TIAM2: variants seen among roughly 807,000 people sequenced by gnomAD.
TIAM2 encodes the protein rho guanine nucleotide exchange factor TIAM2.
A neutral mutation model predicts 152.9 loss-of-function variants in TIAM2; 80 were observed. The observed-to-expected ratio is 0.52, with a 90% CI of 0.44 to 0.63. The LOEUF (loss-of-function observed/expected upper bound fraction) is 0.63. Among genes scored for constraint, TIAM2 ranks in the 30% least tolerant of loss-of-function variants. The pLI is 0.00. For synonymous variants in TIAM2, 804 were observed against 838.0 expected, an observed-to-expected ratio of 0.96 and a Z score of 0.70; for missense variants, 1,965 against 2,120.1, an observed-to-expected ratio of 0.93 and a Z score of 1.44.
chr6:155,058,974 G>T (rs1009603977), intron 1 of TIAM2, among the ~76,000 whole-genome samples: 1 of 152,190 alleles, frequency 6.6e-6, no homozygotes, highest in Admixed American at 6.5e-5. Flanking sequence ...GAAGGCATCT[G>T]CCCTGTAATT....
chr6:155,257,189 G>GAAAAAA lies in TIAM2; in HGVS notation c.*68_*69insAAAAAA. 6 of 535,404 alleles carry GAAAAAA rather than the reference G, an allele frequency of 1.1e-5. No homozygotes were observed. Among genetic ancestry groups the GAAAAAA allele is most frequent in the East Asian group, 4.4e-5 (1 of 22,582 alleles). 33.2% of individuals were successfully genotyped at this position (535,404 alleles called of 1,614,324 possible). A position where few individuals can be genotyped will look rare whatever the true frequency, so the allele number is the denominator to read the frequency against. The stretch of plus-strand genomic sequence containing the variant: ...TTAAACTGGTGGTAAAGTGGAAATT[G>GAAAAAA]CAAAAAAAAAAAAAAAAAAAAACTG... On this transcript the variant is annotated 3_prime_UTR_variant, in exon 27 of 27. Coordinates refer to ENST00000682666, the MANE Select transcript of TIAM2 (RefSeq NM_012454.4).
intron 19 of TIAM2, among the ~76,000 whole-genome samples, chr6:155,247,509 A>G (rs554030063): frequency 6.6e-6 from 1 of 152,100 alleles, no homozygotes; most frequent in African/African-American, 2.4e-5. Context: ...TTGTATTTTT[A>G]GTAGAGACGG....
In TIAM2 at chr6:155,163,966, G is replaced by GT. The variant is rs35722028; in HGVS notation, c.2029-438dup. ...AGTGCTGGATGACCCAGTGCATTTT[G>GT]TTTTTTTTTTTGAGACGGAGTCTTG... On this transcript the variant is annotated intron_variant, in intron 7 of 26. Coordinates refer to ENST00000682666, the MANE Select transcript of TIAM2 (RefSeq NM_012454.4). 4.1e-3 allele frequency among the ~76,000 whole-genome samples: 599 copies of GT among 145,722 alleles called. 5 individuals carry two copies. The highest frequency in any genetic ancestry group is 0.019 in the East Asian group (93 of 4,936).
chr6:155,088,733 GC>G (rs1327492610), intron 1 of TIAM2, among the ~76,000 whole-genome samples: 1 of 152,190 alleles, frequency 6.6e-6, no homozygotes, highest in Admixed American at 6.5e-5. Flanking sequence ...GCCACCTGCG[GC>G]CCAGGATGGC....
At chr6:155,201,572 G>C (rs1267768046) in intron 14 of TIAM2, among the ~76,000 whole-genome samples, 4 of 152,122 alleles carry the variant, frequency 2.6e-5, no homozygotes, top group Admixed American at 2.6e-4. Context: ...TTCTTTCTTT[G>C]GGTTAAGCAC....
chr6:155,146,754 G>A (rs909687640), intron 6 of TIAM2, among the ~76,000 whole-genome samples: 6 of 136,996 alleles, frequency 4.4e-5, no homozygotes, highest in Non-Finnish European at 7.7e-5. Flanking sequence ...GGTGCCCGCC[G>A]CTATGCCTGG....
At chr6:155,047,082 C>G (rs1292032204) in intron 1 of TIAM2, among the ~76,000 whole-genome samples, 3 of 152,160 alleles carry the variant, frequency 2.0e-5, no homozygotes, top group Non-Finnish European at 2.9e-5. Context: ...CTTTTTTAAT[C>G]CCGCCTATGT....
In TIAM2 at chr6:155,242,901, A is replaced by ATTTT. The variant is rs527800448; in HGVS notation, c.3349-1101_3349-1098dup. ...CAGGCACCCGCCACCACACCCAGCT[A>ATTTT]TTTTTTTTTTTTCTTTTTTTTAGTA... On this transcript the variant is annotated intron_variant, in intron 16 of 26. Coordinates refer to ENST00000682666, the MANE Select transcript of TIAM2 (RefSeq NM_012454.4). Among the ~76,000 whole-genome samples the ATTTT allele has an allele frequency of 7.8e-3, 1,033 of 131,896 alleles. 10 individuals carry two copies. The highest frequency in any genetic ancestry group is 0.027 in the African/African-American group (983 of 36,950). The allele number at this position is 131,896 out of a possible 152,430, so 86.5% of individuals were successfully genotyped here. A position where few individuals can be genotyped will look rare whatever the true frequency, so the allele number is the denominator to read the frequency against.
At position 155,047,726 on chromosome 6, in the gene TIAM2, CGAGA is replaced by C. The variant is rs763117085; in HGVS notation, c.-208-42547_-208-42544del. On this transcript the variant is annotated intron_variant, in intron 1 of 26. Coordinates refer to ENST00000682666, the MANE Select transcript of TIAM2 (RefSeq NM_012454.4). ...GAGAGCGAGAGAGAGAGAGAGAGAG[CGAGA>C]GAGAGAGAGAGAGAGCGAGCGCACA... 4.7e-3 allele frequency among the ~76,000 whole-genome samples: 174 copies of C among 37,020 alleles called. 1 individual carries two copies. The highest frequency in any genetic ancestry group is 0.022 in the Middle Eastern group (1 of 46). 24.3% of individuals were successfully genotyped at this position (37,020 alleles called of 152,430 possible). A position where few individuals can be genotyped will look rare whatever the true frequency, so the allele number is the denominator to read the frequency against.
chr6:155,081,766 A>C (rs1277745261), intron 1 of TIAM2, among the ~76,000 whole-genome samples: 1 of 152,182 alleles, frequency 6.6e-6, no homozygotes, highest in Non-Finnish European at 1.5e-5. Context: ...TGATGTGTGA[A>C]TGTTTCTTTC....
Position 155,130,186 on chromosome 6 carries a change from A to C in TIAM2, c.963A>C (p.Glu321Asp), listed in dbSNP as rs1305362918. Residue 321 changes from glutamate to aspartate, a missense_variant, in exon 4 of 27, where the codon GAA becomes GAC. By Grantham distance (45) the Glu-to-Asp change is conservative (BLOSUM62 2). Around this residue, in one of 3 missense-constraint regions of TIAM2, gnomAD observed 1,025 missense variants for 1,119.4 expected, o/e 0.92. Transcript: ENST00000682666. ...LSPSGIRLSD[E>D]YMGTHASLSN... ...CCTCAGGTATCCGCCTTTCTGATGAATACATGGGCACGCATGCCAGCCTGA... is the reference window on the plus strand; with the variant it reads ...CCTCAGGTATCCGCCTTTCTGATGACTACATGGGCACGCATGCCAGCCTGA... 1 of 1,614,138 alleles carries C rather than the reference A, an allele frequency of 6.2e-7. No homozygotes were observed.
chr6:155,112,490 C>A (rs938086654), intron 2 of TIAM2, among the ~76,000 whole-genome samples: 3 of 152,108 alleles, frequency 2.0e-5, no homozygotes, highest in Admixed American at 2.0e-4. Context: ...GGCTTCTCCT[C>A]ATTTCCTTGA....
At chr6:155,133,970 G>A (rs1779501799) in intron 4 of TIAM2, among the ~76,000 whole-genome samples, 1 of 152,102 alleles carries the variant, frequency 6.6e-6, no homozygotes, top group African/African-American at 2.4e-5. Context: ...ACCCTCCTCG[G>A]CCTCCCAAAG....
intron 21 of TIAM2, among the ~76,000 whole-genome samples, chr6:155,250,369 C>T (rs1481364111): frequency 2.0e-5 from 3 of 148,400 alleles, no homozygotes; most frequent in Non-Finnish European, 4.4e-5. Context: ...CAGGATTTGA[C>T]ATTTTCTGTA....
At chr6:155,161,017 C>T (rs1780255104) in intron 7 of TIAM2, among the ~76,000 whole-genome samples, 1 of 152,180 alleles carries the variant, frequency 6.6e-6, no homozygotes, top group Non-Finnish European at 1.5e-5. Context: ...ATTGGGGTGT[C>T]CCAGCCCTGT....
At position 155,197,336 on chromosome 6, in the gene TIAM2, A is replaced by G. The variant is rs1002377200; in HGVS notation, c.3064+13836A>G. On this transcript the variant is annotated intron_variant, in intron 14 of 26. Transcript: ENST00000682666. Reference sequence around the variant, plus strand: ...TTTTGTGAAGTTTAGGCATCTTCGCATAGCAGTATTAGCAACATTATTTGA... The same window carrying G: ...TTTTGTGAAGTTTAGGCATCTTCGCGTAGCAGTATTAGCAACATTATTTGA... Among the ~76,000 whole-genome samples, 5 of 152,250 alleles carry G rather than the reference A, an allele frequency of 3.3e-5. No homozygotes were observed. The South Asian group carries it at 1.0e-3, about 32-fold the overall frequency.
chr6:155,048,655 C>G (rs553862196), intron 1 of TIAM2, among the ~76,000 whole-genome samples: 1 of 152,030 alleles, frequency 6.6e-6, no homozygotes, highest in Admixed American at 6.6e-5. Context: ...GAAGGAGACT[C>G]GGGAGGCCGC....
chr6:155,152,178 C>G (rs890210086), intron 7 of TIAM2, among the ~76,000 whole-genome samples: 11 of 152,158 alleles, frequency 7.2e-5, no homozygotes, highest in Admixed American at 7.2e-4. Flanking sequence ...GTAACTTACA[C>G]CCCTGAGCGG....
intron 4 of TIAM2, among the ~76,000 whole-genome samples, chr6:155,136,280 G>A (rs1285482888): frequency 1.3e-5 from 2 of 151,066 alleles, no homozygotes; most frequent in Admixed American, 6.6e-5. Context: ...TATTATTATT[G>A]TTATTATTTT....
Sources: allele counts gnomAD v4.1 joint callset (sites outside exome capture counted in the v4.1 genomes callset), GRCh38; gene constraint gnomAD v4.1.1; regional missense constraint gnomAD v4.1.1; transcripts MANE v1.5; gene names NCBI Gene and HGNC (gene_info 2026-07-23, HGNC 2026-07-21).